Variants in CYP2J2 observed in about 807,000 individuals in gnomAD.
CYP2J2 encodes the protein cytochrome P450 2J2.
CYP2J2 carries 41 observed loss-of-function variants against 48.8 expected under a neutral mutation model. The ratio of observed to expected loss-of-function variants is 0.84; its 90% CI spans 0.66 to 1.09. The LOEUF (loss-of-function observed/expected upper bound fraction) is 1.09. CYP2J2 is among the 50% of genes least tolerant of loss of function. The pLI, the probability that CYP2J2 is intolerant of heterozygous loss-of-function variation, is 0.00. For missense variants in CYP2J2, 644 were observed against 617.3 expected (o/e 1.04, Z -0.46); for synonymous variants, 221 against 227.1 (o/e 0.97, Z 0.24).
chr1:59,922,117 G>A (rs565809559), intron 1 of CYP2J2, among the ~76,000 whole-genome samples: 3 of 152,136 alleles, frequency 2.0e-5, no homozygotes, highest in South Asian at 2.1e-4. Context: ...TTTATTTCTC[G>A]ACCTGCCGAT....
the CYP2J2 span, among the ~76,000 whole-genome samples, chr1:59,932,475 T>C: frequency 2.6e-5 from 4 of 152,308 alleles, no homozygotes; most frequent in South Asian, 8.3e-4. Flanking sequence ...AACATGCTTT[T>C]ATAAAAGTAA....
the CYP2J2 span, among the ~76,000 whole-genome samples, chr1:59,936,685 G>A: frequency 6.6e-6 from 1 of 151,886 alleles, no homozygotes; most frequent in South Asian, 2.1e-4. Context: ...TTTTTCCCCT[G>A]CTGTCTCTGC....
the CYP2J2 span, among the ~76,000 whole-genome samples, chr1:59,944,354 C>A: frequency 6.6e-6 from 1 of 152,138 alleles, no homozygotes; most frequent in Non-Finnish European, 1.5e-5. Context: ...CGCCAAGTAG[C>A]TGGGACTACA....
chr1:59,932,562 A>T, the CYP2J2 span, among the ~76,000 whole-genome samples: 1 of 152,188 alleles, frequency 6.6e-6, no homozygotes, highest in Non-Finnish European at 1.5e-5. Context: ...ACTAGTAGAC[A>T]TGCTTTACAA....
At chr1:59,923,357 CT>C (rs1644534577) in intron 1 of CYP2J2, among the ~76,000 whole-genome samples, 1 of 152,216 alleles carries the variant, frequency 6.6e-6, no homozygotes, top group Non-Finnish European at 1.5e-5. Context: ...AATAAAAGAT[CT>C]GTATAGTATC....
At chr1:59,908,034 C>T in intron 5 of CYP2J2, 107 bp from the exon 6 acceptor site, 1 of 1,127,382 alleles carries the variant, frequency 8.9e-7, no homozygotes, top group Non-Finnish European at 1.3e-6. Flanking sequence ...AGAAAAGGTC[C>T]CCAAAAGAAA....
chr1:59,906,149 G>T (rs1000753402), intron 6 of CYP2J2, among the ~76,000 whole-genome samples: 1 of 152,202 alleles, frequency 6.6e-6, no homozygotes, highest in Non-Finnish European at 1.5e-5. Context: ...TGGTGCCACT[G>T]CACTCCAGCC....
chr1:59,943,689 TC>T, the CYP2J2 span, among the ~76,000 whole-genome samples: 5 of 150,182 alleles, frequency 3.3e-5, no homozygotes, highest in Non-Finnish European at 5.9e-5. Context: ...TTTTTTTTTT[TC>T]CCCCCACAAA....
At chr1:59,926,842 C>T, upstream of CYP2J2, 1 of 1,162,332 alleles carries the variant, frequency 8.6e-7, no homozygotes. Flanking sequence ...CGTGCCCCGC[C>T]TCCCAGCCCG....
At chr1:59,952,164 GGGA>G in the CYP2J2 span, among the ~76,000 whole-genome samples, 1 of 152,140 alleles carries the variant, frequency 6.6e-6, no homozygotes, top group Non-Finnish European at 1.5e-5. Flanking sequence ...CTTTGTGCTA[GGGA>G]GGAGCATGAG....
the CYP2J2 span, among the ~76,000 whole-genome samples, chr1:59,967,761 G>A: frequency 6.6e-6 from 1 of 152,184 alleles, no homozygotes; most frequent in Non-Finnish European, 1.5e-5. Context: ...GGACGTGGGA[G>A]GATTACACTG....
chr1:59,965,899 G>A, the CYP2J2 span, among the ~76,000 whole-genome samples: 1 of 152,050 alleles, frequency 6.6e-6, no homozygotes, highest in Non-Finnish European at 1.5e-5. Flanking sequence ...TGATCCACCT[G>A]CCTCAGCCTC....
chr1:59,899,464 A>G (rs923901189), intron 8 of CYP2J2, among the ~76,000 whole-genome samples: 2 of 152,206 alleles, frequency 1.3e-5, no homozygotes, highest in African/African-American at 2.4e-5. Flanking sequence ...AACATGGGTC[A>G]TTCCGTTTCT....
At chr1:59,916,819 A>G (rs1157336173) in intron 1 of CYP2J2, among the ~76,000 whole-genome samples, 2 of 152,088 alleles carry the variant, frequency 1.3e-5, no homozygotes, top group Non-Finnish European at 2.9e-5. Context: ...CTGAATTCTC[A>G]CCTGAACACT....
At chr1:59,895,348 A>G (rs917023182) in intron 8 of CYP2J2, among the ~76,000 whole-genome samples, 8 of 152,196 alleles carry the variant, frequency 5.3e-5, no homozygotes, top group African/African-American at 1.9e-4. Flanking sequence ...AATGCCTCTC[A>G]TGCTTCCTCA....
At chr1:59,965,757 T>G in the CYP2J2 span, among the ~76,000 whole-genome samples, 2 of 152,164 alleles carry the variant, frequency 1.3e-5, no homozygotes. Flanking sequence ...GTTCAAGCTA[T>G]TCTCATGTCT....
At chr1:59,915,589 G>T (rs1161522938) in intron 2 of CYP2J2, among the ~76,000 whole-genome samples, 1 of 152,166 alleles carries the variant, frequency 6.6e-6, no homozygotes, top group Non-Finnish European at 1.5e-5. Flanking sequence ...GGAGGAGGAA[G>T]ATCCACATCC....
the CYP2J2 span, among the ~76,000 whole-genome samples, chr1:59,965,588 A>C: frequency 1.3e-5 from 2 of 152,202 alleles, no homozygotes; most frequent in Non-Finnish European, 2.9e-5. Flanking sequence ...ATGAACGCTC[A>C]GTGGATTGAC....
chr1:59,919,777 T>C (rs1644497927), intron 1 of CYP2J2, among the ~76,000 whole-genome samples: 1 of 152,222 alleles, frequency 6.6e-6, no homozygotes, highest in African/African-American at 2.4e-5. Flanking sequence ...CATGAACTCC[T>C]TCCAAGAATA....
Sources: gnomAD v4.1 joint callset for allele counts (sites outside exome capture counted in the v4.1 genomes callset) on GRCh38, gnomAD v4.1.1 for gene constraint, MANE v1.5 for transcripts, NCBI Gene and HGNC (gene_info 2026-07-23, HGNC 2026-07-21) for gene names.